ATP8B1: variants seen among roughly 807,000 people sequenced by gnomAD.
ATP8B1 encodes the protein ATPase phospholipid transporting 8B1, also known as phospholipid-transporting ATPase IC.
ATP8B1 carries 80 observed loss-of-function variants against 149.9 expected under a neutral mutation model. That is an observed-to-expected ratio of 0.53 (90% CI 0.45 to 0.64). The LOEUF is 0.64. ATP8B1 is among the 30% of genes least tolerant of loss of function. The probability of loss-of-function intolerance (pLI) is 0.00; values close to 1 mark genes in which losing one functional copy is unlikely to be tolerated. For missense variants in ATP8B1, 1,247 were observed against 1,552.6 expected (o/e 0.80, Z 3.31); for synonymous variants, 536 against 562.8 (o/e 0.95, Z 0.67).
intron 2 of ATP8B1, among the ~76,000 whole-genome samples, chr18:57,721,161 A>G (rs2079642349): frequency 8.5e-6 from 1 of 117,296 alleles, no homozygotes; most frequent in African/African-American, 3.2e-5. Flanking sequence ...TGTAAAGACC[A>G]TTGAGACTAG....
At chr18:57,702,265 A>G (rs1184455150) in intron 4 of ATP8B1, among the ~76,000 whole-genome samples, 1 of 152,196 alleles carries the variant, frequency 6.6e-6, no homozygotes, top group Non-Finnish European at 1.5e-5. Flanking sequence ...TTGGGATGCA[A>G]GTTTAATAAA....
rs1909304306 is a variant in ATP8B1, at chr18:57,648,176, G to A, written c.*312C>T. On this transcript the variant is annotated 3_prime_UTR_variant, in exon 28 of 28. Transcript: ENST00000648908. ...TAATTTTTAATTTATGGTAGAGACA[G>A]GGTTTCACCATGTTGGCTGGGCTGG... The A allele has an allele frequency of 2.2e-6, 1 of 461,940 alleles. No homozygotes were observed. The highest frequency in any genetic ancestry group is 4.0e-6 in the Non-Finnish European group (1 of 250,454). 28.6% of individuals were successfully genotyped at this position (461,940 alleles called of 1,614,324 possible). A position where few individuals can be genotyped will look rare whatever the true frequency, so the allele number is the denominator to read the frequency against.
intron 1 of ATP8B1, among the ~76,000 whole-genome samples, chr18:57,787,425 AACACT>A (rs1380856800): frequency 7.4e-6 from 1 of 134,622 alleles, no homozygotes; most frequent in Non-Finnish European, 1.7e-5. Flanking sequence ...CTCCATCTAG[AACACT>A]GCGGGAGGAG....
chr18:57,743,105 A>G (rs566954319), intron 1 of ATP8B1, among the ~76,000 whole-genome samples: 32 of 152,306 alleles, frequency 2.1e-4, no homozygotes, highest in Admixed American at 1.0e-3. Flanking sequence ...TTGTCATGGA[A>G]TTATGCTGAG....
intron 3 of ATP8B1, among the ~76,000 whole-genome samples, chr18:57,705,240 C>G (rs535553580): frequency 6.6e-6 from 1 of 152,202 alleles, no homozygotes; most frequent in African/African-American, 2.4e-5. Context: ...ATTCCTTGAC[C>G]CATTAGAGAC....
chr18:57,789,499 CACCACTTTGTTATACT>C (rs2080440734), intron 1 of ATP8B1, among the ~76,000 whole-genome samples: 1 of 152,306 alleles, frequency 6.6e-6, no homozygotes, highest in East Asian at 1.9e-4. Context: ...ACAAAAGCAG[CACCACTTTGTTATACT>C]ACCCTACACA....
In ATP8B1 at chr18:57,697,952, T is replaced by C; in HGVS notation, c.555-85A>G. 3 of 1,258,724 alleles carry C rather than the reference T, an allele frequency of 2.4e-6. No individual in the cohort carries two copies. The South Asian group carries it at 3.8e-5, about 16-fold the overall frequency. The allele number at this position is 1,258,724 out of a possible 1,614,324, so 78.0% of individuals were successfully genotyped here. A position where few individuals can be genotyped will look rare whatever the true frequency, so the allele number is the denominator to read the frequency against. ...TATTCTTTCTGGATGTTATAGATTC[T>C]GGAAAATATGCAAGTCACAGAGAAA... On this transcript the variant is annotated intron_variant, in intron 6 of 27. Coordinates refer to ENST00000648908, the MANE Select transcript of ATP8B1 (RefSeq NM_001374385.1).
intron 3 of ATP8B1, among the ~76,000 whole-genome samples, chr18:57,705,890 T>A (rs1913365794): frequency 6.6e-6 from 1 of 152,158 alleles, no homozygotes; most frequent in African/African-American, 2.4e-5. Context: ...AGACAGAGTC[T>A]CACTCCTGTC....
chr18:57,667,106 A>G lies in ATP8B1; in HGVS notation c.2271T>C (p.Tyr757=), dbSNP rs1049720543. Residue 757 remains tyrosine, a synonymous_variant, in exon 20 of 28, where the codon TAT becomes TAC. Transcript: ENST00000648908. Reference sequence around the variant, plus strand: ...CTTTTACTCACTTAATATCCTCCCCATAGCAGATGGTGGTGTCTTCAGTCA... The same window carrying G: ...CTTTTACTCACTTAATATCCTCCCCGTAGCAGATGGTGGTGTCTTCAGTCA... The part of the protein sequence containing the change: ...ELLTEDTTIC[Y]GEDINSLLHA... 12 of 1,612,320 alleles carry G rather than the reference A, an allele frequency of 7.4e-6. No individual in the cohort carries two copies. Among genetic ancestry groups the G allele is most frequent in the Non-Finnish European group, 1.0e-5 (12 of 1,178,434 alleles).
In ATP8B1 at chr18:57,684,021, C is replaced by T. The variant is rs1350637539; in HGVS notation, c.1630+15G>A. 2 of 1,614,094 alleles carry T rather than the reference C, an allele frequency of 1.2e-6. No individual in the cohort carries two copies. Among genetic ancestry groups the T allele is most frequent in the South Asian group, 2.2e-5 (2 of 91,080 alleles). Reference sequence around the variant, plus strand: ...ACCTGGTCTCTAATGCCTGAGATGCCAGAGAAACACTCACCATCAGTCCTA... The same window carrying T: ...ACCTGGTCTCTAATGCCTGAGATGCTAGAGAAACACTCACCATCAGTCCTA... On this transcript the variant is annotated intron_variant, in intron 15 of 27. Coordinates refer to ENST00000648908, the MANE Select transcript of ATP8B1 (RefSeq NM_001374385.1).
intron 13 of ATP8B1, among the ~76,000 whole-genome samples, chr18:57,685,536 A>G (rs921585975): frequency 3.9e-5 from 6 of 152,106 alleles, no homozygotes; most frequent in Non-Finnish European, 7.3e-5. Flanking sequence ...GTATATTTAA[A>G]ATAGCACTCT....
intron 1 of ATP8B1, among the ~76,000 whole-genome samples, chr18:57,741,533 C>CAGCT (rs2079913564): frequency 6.6e-6 from 1 of 152,218 alleles, no homozygotes. Context: ...GATGAGACAT[C>CAGCT]AGCTGGGCTG....
intron 12 of ATP8B1, among the ~76,000 whole-genome samples, chr18:57,691,259 C>T (rs1049864022): frequency 6.6e-6 from 1 of 151,978 alleles, no homozygotes; most frequent in African/African-American, 2.4e-5. Context: ...AGATATGCCC[C>T]TGACTTTGTT....
chr18:57,669,276 G>T (rs748615320), intron 18 of ATP8B1, 42 bp downstream of exon 18: 1 of 1,547,158 alleles, frequency 6.5e-7, no homozygotes, highest in Admixed American at 2.0e-5. Flanking sequence ...TTTCAATTCT[G>T]CTTAGAATAT....
intron 1 of ATP8B1, among the ~76,000 whole-genome samples, chr18:57,773,360 G>A (rs148058249): frequency 3.0e-4 from 46 of 152,264 alleles, no homozygotes; most frequent in Middle Eastern, 3.4e-3. Flanking sequence ...GGTGCAGACA[G>A]AAAGGGTGGG....
At chr18:57,679,814 G>A (rs1213638298) in intron 15 of ATP8B1, among the ~76,000 whole-genome samples, 4 of 151,990 alleles carry the variant, frequency 2.6e-5, no homozygotes, top group South Asian at 2.1e-4. Flanking sequence ...ACAGGTGCCC[G>A]CCACCACGCC....
chr18:57,796,873 G>A (rs2080520490), intron 1 of ATP8B1, among the ~76,000 whole-genome samples: 3 of 152,128 alleles, frequency 2.0e-5, no homozygotes, highest in South Asian at 2.1e-4. Context: ...GGATGGTCTC[G>A]ATCTCTTGAC....
intron 25 of ATP8B1, 71 bp downstream of exon 25, chr18:57,652,413 A>G (rs1194345909): frequency 6.3e-7 from 1 of 1,596,270 alleles, no homozygotes; most frequent in African/African-American, 1.3e-5. Context: ...GTGGATGTGC[A>G]TGCCACCCTA....
intron 2 of ATP8B1, among the ~76,000 whole-genome samples, chr18:57,729,564 T>TTTTTTTTTC (rs2079740619): frequency 9.4e-6 from 1 of 106,210 alleles, no homozygotes; most frequent in Admixed American, 9.9e-5. Flanking sequence ...TTTTTTTTTT[T>TTTTTTTTTC]TTTGAGTTGG....
Sources: allele counts gnomAD v4.1 joint callset (sites outside exome capture counted in the v4.1 genomes callset), GRCh38; gene constraint gnomAD v4.1.1; transcripts MANE v1.5; gene names NCBI Gene and HGNC (gene_info 2026-07-23, HGNC 2026-07-21).